CHRM3: variants seen among roughly 807,000 people sequenced by gnomAD.
The protein encoded by CHRM3 is cholinergic receptor muscarinic 3, also known as muscarinic acetylcholine receptor M3.
A neutral mutation model predicts 41.8 loss-of-function variants in CHRM3; 11 were observed. The ratio of observed to expected loss-of-function variants is 0.26; its 90% CI spans 0.17 to 0.44. The LOEUF is 0.44. Ranked by LOEUF, CHRM3 falls within the 20% of genes least tolerant of loss-of-function variation. The pLI, the probability that CHRM3 is intolerant of heterozygous loss-of-function variation, is 1.00. For missense variants in CHRM3, 571 were observed against 745.4 expected (o/e 0.77, Z 2.72); for synonymous variants, 297 against 301.4 (o/e 0.99, Z 0.15).
At chr1:239,723,715 A>G (rs1227137186) in intron 5 of CHRM3, among the ~76,000 whole-genome samples, 1 of 151,882 alleles carries the variant, frequency 6.6e-6, no homozygotes, top group Non-Finnish European at 1.5e-5. Flanking sequence ...ATTGTATGAG[A>G]TGTGTGTAGA....
chr1:239,862,899 G>T (rs2149278135), intron 6 of CHRM3, among the ~76,000 whole-genome samples: 1 of 152,246 alleles, frequency 6.6e-6, no homozygotes, highest in South Asian at 2.1e-4. Context: ...ATTTATTTTT[G>T]GCCTTGTCAT....
At chr1:239,865,676 C>T (rs1211358970) in intron 6 of CHRM3, among the ~76,000 whole-genome samples, 1 of 152,090 alleles carries the variant, frequency 6.6e-6, no homozygotes, top group African/African-American at 2.4e-5. Flanking sequence ...AGAGAGCAGA[C>T]CAAGAATCAA....
chr1:239,787,999 A>G (rs1407916489), intron 5 of CHRM3, among the ~76,000 whole-genome samples: 1 of 152,200 alleles, frequency 6.6e-6, no homozygotes, highest in Non-Finnish European at 1.5e-5. Context: ...GCACTTTGGG[A>G]GGCCAAGGCA....
intron 2 of CHRM3, among the ~76,000 whole-genome samples, chr1:239,544,508 A>C (rs1332098941): frequency 6.6e-6 from 1 of 152,204 alleles, no homozygotes; most frequent in East Asian, 1.9e-4. Flanking sequence ...ACTTCATTCA[A>C]ATGATATTTC....
At chr1:239,834,624 T>C (rs1442770651) in intron 6 of CHRM3, among the ~76,000 whole-genome samples, 2 of 152,166 alleles carry the variant, frequency 1.3e-5, no homozygotes. Flanking sequence ...TCCCACTCAG[T>C]CTTCAAAGAC....
intron 3 of CHRM3, among the ~76,000 whole-genome samples, chr1:239,616,928 G>A (rs1204073521): frequency 6.6e-6 from 1 of 150,912 alleles, no homozygotes; most frequent in Non-Finnish European, 1.5e-5. Flanking sequence ...TTACTTTTAC[G>A]ATGGTATAGA....
chr1:239,475,506 C>T (rs1666409653), intron 1 of CHRM3, among the ~76,000 whole-genome samples: 1 of 151,908 alleles, frequency 6.6e-6, no homozygotes, highest in Admixed American at 6.6e-5. Flanking sequence ...TTGAGGTCAT[C>T]AAAAATAACC....
intron 5 of CHRM3, among the ~76,000 whole-genome samples, chr1:239,821,597 G>C (rs1236538584): frequency 6.6e-6 from 1 of 152,166 alleles, no homozygotes; most frequent in Non-Finnish European, 1.5e-5. Context: ...GATGAGAAAT[G>C]AACCCTCACC....
chr1:239,806,792 T>G (rs891894571), intron 5 of CHRM3, among the ~76,000 whole-genome samples: 3 of 152,230 alleles, frequency 2.0e-5, no homozygotes, highest in Non-Finnish European at 4.4e-5. Flanking sequence ...TAGGCAATGC[T>G]GGCCAATAAG....
At chr1:239,543,249 G>A (rs1042823974) in intron 2 of CHRM3, among the ~76,000 whole-genome samples, 1 of 152,150 alleles carries the variant, frequency 6.6e-6, no homozygotes, top group African/African-American at 2.4e-5. Flanking sequence ...GCCTCAGCTT[G>A]TGGGCCCGAC....
chr1:239,558,435 CTT>C (rs930792703), intron 3 of CHRM3, among the ~76,000 whole-genome samples: 1 of 152,106 alleles, frequency 6.6e-6, no homozygotes, highest in African/African-American at 2.4e-5. Context: ...AATAAAAAAA[CTT>C]TCCAATGTCT....
chr1:239,810,253 G>A (rs1002206495), intron 5 of CHRM3, among the ~76,000 whole-genome samples: 16 of 152,214 alleles, frequency 1.1e-4, no homozygotes, highest in African/African-American at 3.1e-4. Context: ...TTGCTGCTTC[G>A]GATTCCCCAG....
intron 5 of CHRM3, among the ~76,000 whole-genome samples, chr1:239,768,751 C>T (rs946630157): frequency 1.4e-5 from 2 of 144,358 alleles, no homozygotes; most frequent in African/African-American, 5.2e-5. Flanking sequence ...TCACTAGGAG[C>T]CAGAGTTAAA....
At chr1:239,397,714 A>G (rs928631569) in intron 1 of CHRM3, among the ~76,000 whole-genome samples, 4 of 147,490 alleles carry the variant, frequency 2.7e-5, no homozygotes, top group African/African-American at 9.8e-5. Flanking sequence ...TATTTCTATA[A>G]AATATATAAA....
intron 5 of CHRM3, among the ~76,000 whole-genome samples, chr1:239,735,236 A>G (rs557070346): frequency 3.3e-5 from 5 of 152,244 alleles, no homozygotes; most frequent in African/African-American, 7.2e-5. Flanking sequence ...CAAAAGTCAA[A>G]TAGTTTCTAT....
At chr1:239,518,817 C>T (rs1336449137) in intron 2 of CHRM3, among the ~76,000 whole-genome samples, 1 of 152,174 alleles carries the variant, frequency 6.6e-6, no homozygotes, top group Non-Finnish European at 1.5e-5. Flanking sequence ...CATCCCTTCT[C>T]CTCCTGAATT....
intron 5 of CHRM3, among the ~76,000 whole-genome samples, chr1:239,771,685 G>T (rs926744215): frequency 6.6e-6 from 1 of 152,182 alleles, no homozygotes; most frequent in Non-Finnish European, 1.5e-5. Flanking sequence ...GGGCCATGCA[G>T]CCTCTGTCAT....
At chr1:239,443,872 A>G (rs1663921284) in intron 1 of CHRM3, among the ~76,000 whole-genome samples, 5 of 152,210 alleles carry the variant, frequency 3.3e-5, no homozygotes, top group Admixed American at 3.3e-4. Context: ...GTAGAAGAGA[A>G]TTGAAATCCA....
intron 2 of CHRM3, among the ~76,000 whole-genome samples, chr1:239,510,498 T>C (rs1486893162): frequency 6.6e-6 from 1 of 152,078 alleles, no homozygotes; most frequent in Non-Finnish European, 1.5e-5. Flanking sequence ...AGTGGCATCA[T>C]TGGATTGGAA....
Sources: gnomAD v4.1 joint callset for allele counts (sites outside exome capture counted in the v4.1 genomes callset) on GRCh38, gnomAD v4.1.1 for gene constraint, MANE v1.5 for transcripts, NCBI Gene and HGNC (gene_info 2026-07-23, HGNC 2026-07-21) for gene names.